ANKLE2: variants seen among roughly 807,000 people sequenced by gnomAD.
The protein encoded by ANKLE2 is ankyrin repeat and LEM domain-containing protein 2.
ANKLE2 carries 55 observed loss-of-function variants against 84.2 expected under a neutral mutation model. The ratio of observed to expected loss-of-function variants is 0.65; its 90% CI spans 0.53 to 0.82. ANKLE2 has a LOEUF of 0.82. Ranked by LOEUF, ANKLE2 falls within the 40% of genes least tolerant of loss-of-function variation. ANKLE2 has a pLI of 0.00. For missense variants in ANKLE2, 1,238 were observed against 1,201.9 expected (o/e 1.03, Z -0.44); for synonymous variants, 551 against 486.1 (o/e 1.13, Z -1.76).
rs1327486039 is a variant in ANKLE2 at position 132,759,164 on chromosome 12, C to T, written c.181+2454G>A. 2.9e-4 allele frequency: 12 copies of T among 40,940 alleles called. 1 individual carries two copies. The highest frequency in any genetic ancestry group is 1.0e-3 in the African/African-American group (10 of 9,958). 2.5% of individuals were successfully genotyped at this position (40,940 alleles called of 1,614,324 possible). Reference sequence around the variant, plus strand: ...ACCCACGTGGCAGAGAGGATCGCTGCGGAGTGGCACCCCGGGGCACCCACG... The same window carrying T: ...ACCCACGTGGCAGAGAGGATCGCTGTGGAGTGGCACCCCGGGGCACCCACG... On this transcript the variant is annotated intron_variant, in intron 1 of 12. Coordinates refer to ENST00000357997, the MANE Select transcript of ANKLE2 (RefSeq NM_015114.3).
Position 132,727,330 on chromosome 12 carries a change from G to C in ANKLE2, c.2729C>G (p.Pro910Arg). 1 of 1,562,736 alleles carries C rather than the reference G, an allele frequency of 6.4e-7. No homozygotes were observed. Among genetic ancestry groups the C allele is most frequent in the South Asian group, 1.2e-5 (1 of 84,746 alleles). ...NSVAGSNPAK[P>R]GLGSPGRYSP... ...GTAGCGCCCAGGACTGCCCAGGCCT[G>C]GCTTTGCGGGGTTGCTTCCAGCCAC... Residue 910 changes from proline to arginine, a missense_variant, in exon 13 of 13, where the codon CCA becomes CGA. Pro to Arg is a moderately radical substitution (Grantham distance 103). Coordinates refer to ENST00000357997, the MANE Select transcript of ANKLE2 (RefSeq NM_015114.3).
At chr12:132,733,424 T>G (rs543657900) in intron 10 of ANKLE2, among the ~76,000 whole-genome samples, 200 of 143,150 alleles carry the variant, frequency 1.4e-3, no homozygotes, top group Non-Finnish European at 2.5e-3. Context: ...GTGTCTGATA[T>G]GCACCGTGTG....
intron 6 of ANKLE2, chr12:132,742,105 T>C (rs748482016): frequency 7.5e-5 from 20 of 267,522 alleles, no homozygotes; most frequent in Non-Finnish European, 7.5e-5. Flanking sequence ...GATTGTGAGC[T>C]TTAAAAAGTC....
chr12:132,754,548 G>A (rs2044432466), intron 2 of ANKLE2, 127 bp downstream of exon 2: 3 of 842,248 alleles, frequency 3.6e-6, no homozygotes, highest in Middle Eastern at 3.7e-4. Context: ...ATGGTTAACT[G>A]GGGTGATGAG....
intron 1 of ANKLE2, chr12:132,756,812 TC>T (rs2044496493): frequency 6.7e-6 from 1 of 148,928 alleles, no homozygotes; most frequent in South Asian, 2.1e-4. Context: ...GCACCTGTAA[TC>T]CCAGCTACTC....
chr12:132,743,190 T>C lies in ANKLE2; in HGVS notation c.1317A>G (p.Lys439=). ...TTTTATCATATTTATTCCTTGAGTTTTTTACAATCAAATGGTGTGACGAAA... is the reference window on the plus strand; with the variant it reads ...TTTTATCATATTTATTCCTTGAGTTCTTTACAATCAAATGGTGTGACGAAA... ...NVLSSHHLIV[K]NSRNKYDKTP... The change falls in exon 6 of 13, where the codon AAA becomes AAG. Residue 439 remains lysine (K), a synonymous_variant. Transcript: ENST00000357997. This position sits in a 1 kb window ranked among gnomAD's most constrained non-coding sequence, Gnocchi z 4.1. 6.2e-7 allele frequency: 1 copy of C among 1,611,518 alleles called. No individual in the cohort carries two copies. Among genetic ancestry groups the C allele is most frequent in the Non-Finnish European group, 8.5e-7 (1 of 1,178,758 alleles).
chr12:132,758,920 C>CAGTGTGCAAGTTTA (rs2044541276), intron 1 of ANKLE2: 4 of 140,444 alleles, frequency 2.8e-5, no homozygotes, highest in Admixed American at 7.0e-5. Flanking sequence ...CACCCCGGGG[C>CAGTGTGCAAGTTTA]ACCCACGTGG....
intron 1 of ANKLE2, chr12:132,761,361 G>C (rs1056303534): frequency 3.2e-5 from 10 of 312,336 alleles, no homozygotes; most frequent in African/African-American, 2.2e-4. Context: ...GCCTTCCCCG[G>C]AGGCTGCTCC....
At chr12:132,748,456 G>C in intron 3 of ANKLE2, 125 bp from the exon 4 acceptor site, 1 of 1,100,962 alleles carries the variant, frequency 9.1e-7, no homozygotes, top group Non-Finnish European at 1.3e-6. Context: ...GGAGGCACAG[G>C]TGAGAAAAGA....
Position 132,743,505 on chromosome 12 carries a change from AT to A in ANKLE2, c.1231-230del, listed in dbSNP as rs748625524. 8.0e-3 allele frequency among the ~76,000 whole-genome samples: 1,064 copies of A among 132,696 alleles called. 2 individuals carry two copies. Among genetic ancestry groups the A allele is most frequent in the African/African-American group, 0.012 (446 of 36,228 alleles). 87.1% of individuals were successfully genotyped at this position (132,696 alleles called of 152,430 possible). The stretch of plus-strand genomic sequence containing the variant: ...CAGGCACCCGCCACCACACCCAGCT[AT>A]TTTTTTTTTTTTTTTAATATTTAGT... On this transcript the variant is annotated intron_variant, in intron 5 of 12. Transcript: ENST00000357997. This position sits in a 1 kb window ranked among gnomAD's most constrained non-coding sequence, Gnocchi z 4.1.
In ANKLE2 at chr12:132,741,452, C is replaced by A. The variant is rs1354432867; in HGVS notation, c.1387G>T (p.Glu463Ter). ...TACTCTCTGATCCGCTCCTTCAGTT[C>A]CACAGATTTATTTTTGCTTCTTTCA... ...ICERSKNKSVELKERIREYLK... is the reference protein window; with the variant it reads ...ICERSKNKSV The change falls in exon 7 of 13, where the codon GAA becomes TAA. Residue 463 changes from glutamate to a stop codon, truncating the protein, a stop_gained. Coordinates refer to ENST00000357997, the MANE Select transcript of ANKLE2 (RefSeq NM_015114.3). LOFTEE classifies it high-confidence loss of function. 5.6e-6 allele frequency: 9 copies of A among 1,614,074 alleles called. No individual in the cohort carries two copies. Among genetic ancestry groups the A allele is most frequent in the Non-Finnish European group, 7.6e-6 (9 of 1,180,048 alleles).
chr12:132,734,056 T>A lies in ANKLE2; in HGVS notation c.1891+329A>T, dbSNP rs560470358. ...TTCGAGACCAGCCTGGTCAATACGG[T>A]GAAACCGCATCTCCACTAAAAAAAA... On this transcript the variant is annotated intron_variant, in intron 10 of 12. Coordinates refer to ENST00000357997, the MANE Select transcript of ANKLE2 (RefSeq NM_015114.3). 2.4e-4 allele frequency: 111 copies of A among 466,672 alleles called. 3 individuals carry two copies. Among genetic ancestry groups the A allele is most frequent in the South Asian group, 1.7e-3 (109 of 63,364 alleles). 28.9% of individuals were successfully genotyped at this position (466,672 alleles called of 1,614,324 possible).
Position 132,730,730 on chromosome 12 carries a change from G to A in ANKLE2, c.1892-460C>T, listed in dbSNP as rs142657336. The A allele has an allele frequency of 2.5e-3, 402 of 160,708 alleles. 4 individuals carry two copies. The highest frequency in any genetic ancestry group is 9.2e-3 in the African/African-American group (386 of 41,810). The allele number at this position is 160,708 out of a possible 1,614,324, so 10.0% of individuals were successfully genotyped here. On this transcript the variant is annotated intron_variant, in intron 10 of 12. Transcript: ENST00000357997. ...TTTGGGAGGCTCAAGTGGGAGGATC[G>A]CTTGAGCCCAGGAGGGGGAGGCTGC... is the stretch of plus-strand genomic sequence containing the variant.
intron 1 of ANKLE2, chr12:132,759,413 C>T (rs1472812788): frequency 3.4e-5 from 5 of 148,726 alleles, no homozygotes; most frequent in Non-Finnish European, 7.4e-5. Flanking sequence ...GCAGGTTTAA[C>T]TTCCTAAAAA....
At chr12:132,750,113 G>C (rs2044323853) in intron 3 of ANKLE2, among the ~76,000 whole-genome samples, 1 of 148,770 alleles carries the variant, frequency 6.7e-6, no homozygotes. Context: ...GCTGAGGCAG[G>C]AGAATCGCTT....
At chr12:132,750,204 C>CAA (rs1038591889) in intron 3 of ANKLE2, among the ~76,000 whole-genome samples, 10,054 of 78,722 alleles carry the variant, frequency 0.13, 828 homozygotes, top group African/African-American at 0.25. Flanking sequence ...GACTCCATCT[C>CAA]AAAAAAAAAA....
chr12:132,755,282 G>T, intron 1 of ANKLE2, 149 bp from the exon 2 acceptor site: 1 of 711,538 alleles, frequency 1.4e-6, no homozygotes, highest in Non-Finnish European at 2.2e-6. Flanking sequence ...GGTGGCTCAC[G>T]CCTGTAATCC....
intron 2 of ANKLE2, among the ~76,000 whole-genome samples, chr12:132,753,811 G>T (rs1022181216): frequency 3.3e-5 from 5 of 151,894 alleles, no homozygotes; most frequent in Non-Finnish European, 5.9e-5. Context: ...TATGCCTGTG[G>T]TCCCAGCTAC....
chr12:132,732,805 CTGGTGTCTGACGTGCACCA>C (rs2043906846), intron 10 of ANKLE2, among the ~76,000 whole-genome samples: 1 of 134,956 alleles, frequency 7.4e-6, no homozygotes, highest in Non-Finnish European at 1.6e-5. Context: ...TCTCTGCGTC[CTGGTGTCTGACGTGCACCA>C]TGTGAAGCCC....
Sources: gnomAD v4.1 joint callset for allele counts (sites outside exome capture counted in the v4.1 genomes callset) on GRCh38, gnomAD v4.1.1 for gene constraint, Gnocchi (gnomAD v3.1) non-coding constraint, MANE v1.5 for transcripts, NCBI Gene and HGNC (gene_info 2026-07-23, HGNC 2026-07-21) for gene names.